Variants in PIWIL2 observed in about 807,000 individuals in gnomAD.
The protein encoded by PIWIL2 is piwi like RNA-mediated gene silencing 2.
A neutral mutation model predicts 116.5 loss-of-function variants in PIWIL2; 81 were observed. The observed-to-expected ratio is 0.70, with a 90% CI of 0.58 to 0.84. PIWIL2 has a LOEUF of 0.84. PIWIL2 is among the 40% of genes least tolerant of loss of function. The pLI is 0.00. For missense variants in PIWIL2, 1,272 were observed against 1,212.3 expected (o/e 1.05, Z -0.73); for synonymous variants, 489 against 429.5 (o/e 1.14, Z -1.71).
In PIWIL2 at chr8:22,284,264, G is replaced by T; in HGVS notation, c.735G>T (p.Val245=). 6.5e-7 allele frequency: 1 copy of T among 1,546,146 alleles called. No homozygotes were observed. The highest frequency in any genetic ancestry group is 1.2e-5 in the South Asian group (1 of 86,200). ...CHNEAVYQYH[V]TFSPNVECKS... ...ATGAAGCAGTTTATCAATATCATGTGACTTTCAGGTATTCACAGCTTTCCT... is the reference window on the plus strand; with the variant it reads ...ATGAAGCAGTTTATCAATATCATGTTACTTTCAGGTATTCACAGCTTTCCT... Residue 245 remains valine, a synonymous_variant, in exon 6 of 23, where the codon GTG becomes GTT. Transcript: ENST00000356766.
chr8:22,353,997 A>G (rs1832435322), intron 21 of PIWIL2, among the ~76,000 whole-genome samples: 1 of 151,876 alleles, frequency 6.6e-6, no homozygotes, highest in African/African-American at 2.4e-5. Flanking sequence ...ACTGGTCTCG[A>G]TCTCCTGGGC....
At position 22,356,193 on chromosome 8, in the gene PIWIL2, G is replaced by A. The variant is rs187065258; in HGVS notation, c.*688G>A. 1 of 152,248 alleles carries A rather than the reference G, an allele frequency of 6.6e-6. No individual in the cohort carries two copies. The highest frequency in any genetic ancestry group is 1.9e-4 in the East Asian group (1 of 5,186). 9.4% of individuals were successfully genotyped at this position (152,248 alleles called of 1,614,324 possible). On this transcript the variant is annotated 3_prime_UTR_variant, in exon 23 of 23. Transcript: ENST00000356766. The stretch of plus-strand genomic sequence containing the variant: ...AGCCAGAGATGATAATTAAGTCATT[G>A]CAAGTTGCCTGAAGAGAATTACTCA...
At chr8:22,318,499 G>T (rs913001830) in intron 20 of PIWIL2, among the ~76,000 whole-genome samples, 10 of 152,120 alleles carry the variant, frequency 6.6e-5, no homozygotes, top group African/African-American at 2.4e-4. Context: ...TGTATTTTTA[G>T]TAGAGATGTG....
At chr8:22,308,773 C>T (rs772807803) in intron 14 of PIWIL2, among the ~76,000 whole-genome samples, 2 of 152,044 alleles carry the variant, frequency 1.3e-5, no homozygotes, top group Admixed American at 1.3e-4. Flanking sequence ...CTCAGCCTCC[C>T]GAATAGTTGG....
intron 1 of PIWIL2, among the ~76,000 whole-genome samples, chr8:22,279,080 C>G (rs541785263): frequency 2.6e-5 from 4 of 152,046 alleles, no homozygotes; most frequent in African/African-American, 9.6e-5. Context: ...ACCATCCCCC[C>G]ACCCCTGGGT....
At position 22,305,871 on chromosome 8, in the gene PIWIL2, C is replaced by A. The variant is rs371877235; in HGVS notation, c.1456-56C>A. On this transcript the variant is annotated intron_variant, in intron 12 of 22. Transcript: ENST00000356766. The stretch of plus-strand genomic sequence containing the variant: ...CTGGCCATGACATGTCCTGTATGGT[C>A]GGGAACATGAGCCTCTTGTACTGCC... 11 of 1,261,084 alleles carry A rather than the reference C, an allele frequency of 8.7e-6. No homozygotes were observed. The African/African-American group carries it at 1.3e-4, about 15-fold the overall frequency. The allele number at this position is 1,261,084 out of a possible 1,614,324, so 78.1% of individuals were successfully genotyped here.
chr8:22,317,243 C>T (rs748560413), intron 19 of PIWIL2, among the ~76,000 whole-genome samples: 3 of 152,164 alleles, frequency 2.0e-5, no homozygotes, highest in African/African-American at 4.8e-5. Context: ...CCATGCTCAT[C>T]CCAAATATCT....
chr8:22,284,363 T>G, intron 6 of PIWIL2, 91 bp downstream of exon 6: 2 of 628,510 alleles, frequency 3.2e-6, no homozygotes, highest in South Asian at 2.2e-5. Context: ...TCCTGGACAG[T>G]TCCTGGTGGA....
intron 5 of PIWIL2, 25 bp from the exon 6 acceptor site, chr8:22,284,137 G>A: frequency 1.5e-6 from 2 of 1,329,898 alleles, no homozygotes; most frequent in East Asian, 4.7e-5. Context: ...GATATATGCA[G>A]TTGCTTTTTG....
rs929346848 is a variant in PIWIL2 at position 22,351,471 on chromosome 8, A to G, written c.2404-1488A>G. Among the ~76,000 whole-genome samples the G allele has an allele frequency of 1.9e-5, 2 of 104,364 alleles. 1 individual carries two copies. The highest frequency in any genetic ancestry group is 8.0e-5 in the African/African-American group (2 of 25,054). The allele number at this position is 104,364 out of a possible 152,430, so 68.5% of individuals were successfully genotyped here. On this transcript the variant is annotated intron_variant, in intron 20 of 22. Coordinates refer to ENST00000356766, the MANE Select transcript of PIWIL2 (RefSeq NM_018068.5). Reference sequence around the variant, plus strand: ...TATATATATATATATATATATATATATATATATATATAATTTATATCTAAA... The same window carrying G: ...TATATATATATATATATATATATATGTATATATATATAATTTATATCTAAA...
At chr8:22,352,035 C>A (rs1832385628) in intron 20 of PIWIL2, among the ~76,000 whole-genome samples, 1 of 152,214 alleles carries the variant, frequency 6.6e-6, no homozygotes, top group Non-Finnish European at 1.5e-5. Context: ...ACCTCCACCC[C>A]ATGAGTTCAA....
chr8:22,312,100 C>CA (rs1164615276), intron 16 of PIWIL2, among the ~76,000 whole-genome samples: 2 of 151,734 alleles, frequency 1.3e-5, no homozygotes, highest in Non-Finnish European at 2.9e-5. Flanking sequence ...CCTGTCTCTA[C>CA]AAAAAATCTA....
Position 22,318,272 on chromosome 8 carries a change from T to G in PIWIL2, c.2400T>G (p.Tyr800Ter). 2 of 1,551,650 alleles carry G rather than the reference T, an allele frequency of 1.3e-6. No homozygotes were observed. Among genetic ancestry groups the G allele is most frequent in the Non-Finnish European group, 1.8e-6 (2 of 1,124,846 alleles). Residue 800 changes from tyrosine to a stop codon, truncating the protein, a stop_gained, in exon 20 of 23, where the codon TAT becomes TAG. Coordinates refer to ENST00000356766, the MANE Select transcript of PIWIL2 (RefSeq NM_018068.5). LOFTEE classifies it high-confidence loss of function. ...TCGTGGGCTCCTTAAAAAAGTTTTA[T>G]GAGGTGAGGAGAACAGAAATTCTCA... Reference protein sequence around the residue: ...LCLVGSLKKFYEVNHCLPEKI... With the variant: ...LCLVGSLKKF
intron 1 of PIWIL2, among the ~76,000 whole-genome samples, chr8:22,278,478 C>T (rs1189142950): frequency 2.0e-5 from 3 of 152,330 alleles, no homozygotes; most frequent in African/African-American, 7.2e-5. Flanking sequence ...CATGATCATG[C>T]CACTGCACTC....
intron 16 of PIWIL2, among the ~76,000 whole-genome samples, chr8:22,313,034 C>G (rs985212614): frequency 6.6e-6 from 1 of 152,220 alleles, no homozygotes; most frequent in African/African-American, 2.4e-5. Context: ...TTCTGCTCTG[C>G]TTTCAAAAGA....
chr8:22,348,419 A>T (rs966859568), intron 20 of PIWIL2, among the ~76,000 whole-genome samples: 1 of 152,014 alleles, frequency 6.6e-6, no homozygotes, highest in African/African-American at 2.4e-5. Flanking sequence ...CACTCAGCAG[A>T]TATTTTTTGC....
In PIWIL2 at chr8:22,296,337, G is replaced by A. The variant is rs140752069; in HGVS notation, c.1181+5991G>A. Among the ~76,000 whole-genome samples the A allele has an allele frequency of 1.5e-4, 23 of 152,092 alleles. 1 individual carries two copies. The East Asian group carries it at 3.5e-3, about 23-fold the overall frequency. On this transcript the variant is annotated intron_variant, in intron 10 of 22. Transcript: ENST00000356766. ...TGGGATTACAGGCATGAGCCACCGC[G>A]CCTGGCCCCCTCTTCCCTTCTTAAG...
At chr8:22,316,801 C>T (rs1311044030) in intron 19 of PIWIL2, among the ~76,000 whole-genome samples, 1 of 145,088 alleles carries the variant, frequency 6.9e-6, no homozygotes, top group African/African-American at 2.5e-5. Flanking sequence ...GTTTATGCAA[C>T]TTTTTTTTTT....
At chr8:22,313,205 C>T (rs962899703) in intron 16 of PIWIL2, among the ~76,000 whole-genome samples, 4 of 152,152 alleles carry the variant, frequency 2.6e-5, no homozygotes, top group Admixed American at 1.3e-4. Context: ...ATCTTTAAGG[C>T]ATTCCATTAT....
Sources: allele counts gnomAD v4.1 joint callset (sites outside exome capture counted in the v4.1 genomes callset), GRCh38; gene constraint gnomAD v4.1.1; transcripts MANE v1.5; gene names NCBI Gene and HGNC (gene_info 2026-07-23, HGNC 2026-07-21).